PACRG: variants seen among roughly 807,000 people sequenced by gnomAD.
PACRG encodes parkin coregulated, also known as parkin coregulated gene protein.
Under a neutral mutation model 29.7 loss-of-function variants are expected in PACRG, and 29 were observed. The ratio of observed to expected loss-of-function variants is 0.98; its 90% CI spans 0.73 to 1.33. The LOEUF is 1.33. Among genes scored for constraint, PACRG ranks in the 40% most tolerant of loss-of-function variants. PACRG has a pLI of 0.00. For missense variants in PACRG, 279 were observed against 316.2 expected (o/e 0.88, Z 0.89); for synonymous variants, 116 against 118.7 (o/e 0.98, Z 0.15).
chr6:162,803,800 A>AT (rs375264627), intron 1 of PACRG, among the ~76,000 whole-genome samples: 1 of 152,144 alleles, frequency 6.6e-6, no homozygotes, highest in Non-Finnish European at 1.5e-5. Context: ...AGACTCATCT[A>AT]TTTTTTAATT....
rs566702022 is a variant in PACRG, at chr6:162,844,468, C to T, written c.291+30187C>T. 2.8e-4 allele frequency among the ~76,000 whole-genome samples: 43 copies of T among 152,280 alleles called. 1 individual carries two copies. Among genetic ancestry groups the T allele is most frequent in the Non-Finnish European group, 4.7e-4 (32 of 67,986 alleles). Reference sequence around the variant, plus strand: ...CCTGCTTCGGCTCGCGCATGGTGCGCGCACCCACTGACCTGTGCCCACTTT... The same window carrying T: ...CCTGCTTCGGCTCGCGCATGGTGCGTGCACCCACTGACCTGTGCCCACTTT... On this transcript the variant is annotated intron_variant, in intron 2 of 4. Transcript: ENST00000366888.
At chr6:162,823,673 G>A (rs897839865) in intron 2 of PACRG, among the ~76,000 whole-genome samples, 20 of 151,646 alleles carry the variant, frequency 1.3e-4, no homozygotes, top group South Asian at 2.1e-4. Context: ...CACCACACCC[G>A]GCTAATTTTT....
At chr6:162,855,731 G>A (rs942249374) in intron 2 of PACRG, among the ~76,000 whole-genome samples, 5 of 152,234 alleles carry the variant, frequency 3.3e-5, no homozygotes, top group South Asian at 2.1e-4. Context: ...GCTTCCCAGC[G>A]CCCCAACTCC....
intron 2 of PACRG, among the ~76,000 whole-genome samples, chr6:162,856,000 A>G (rs1390189530): frequency 6.6e-6 from 1 of 151,944 alleles, no homozygotes; most frequent in Non-Finnish European, 1.5e-5. Flanking sequence ...CTTGACCGGG[A>G]GGGCCACTTA....
intron 1 of PACRG, among the ~76,000 whole-genome samples, chr6:162,750,850 G>C (rs1781458803): frequency 6.6e-6 from 1 of 152,180 alleles, no homozygotes; most frequent in Non-Finnish European, 1.5e-5. Context: ...ACATATAATT[G>C]TCCTGTCCTA....
intron 1 of PACRG, among the ~76,000 whole-genome samples, chr6:162,733,681 T>C (rs1379944819): frequency 6.6e-6 from 1 of 152,180 alleles, no homozygotes; most frequent in African/African-American, 2.4e-5. Flanking sequence ...GCAACTCTGC[T>C]GGCCCTGCCT....
At chr6:162,920,290 A>AT (rs1183655484) in intron 2 of PACRG, among the ~76,000 whole-genome samples, 3 of 152,174 alleles carry the variant, frequency 2.0e-5, no homozygotes, top group Non-Finnish European at 4.4e-5. Context: ...CGAAGCCTGA[A>AT]TGCTTTTGTC....
chr6:163,092,800 A>G (rs528064), intron 4 of PACRG, among the ~76,000 whole-genome samples: 42,638 of 152,116 alleles, frequency 0.28, 6,317 homozygotes, highest in East Asian at 0.51. Flanking sequence ...TTATATACAT[A>G]TCCAATATTA....
chr6:163,079,336 C>G, intron 3 of PACRG, among the ~76,000 whole-genome samples: 1 of 151,540 alleles, frequency 6.6e-6, no homozygotes, highest in Admixed American at 6.6e-5. Flanking sequence ...CATGAGGTAT[C>G]CCACTCAGGG....
intron 1 of PACRG, among the ~76,000 whole-genome samples, chr6:162,734,765 T>G (rs1250273899): frequency 6.6e-6 from 1 of 152,184 alleles, no homozygotes; most frequent in Non-Finnish European, 1.5e-5. Context: ...AGGTTTTTCT[T>G]ACAACAGTTC....
At chr6:163,166,202 A>G (rs1778800249) in intron 4 of PACRG, 1 of 456,184 alleles carries the variant, frequency 2.2e-6, no homozygotes, top group South Asian at 1.5e-5. Context: ...GCCGAGGGCA[A>G]CACTGAATCT....
intron 4 of PACRG, among the ~76,000 whole-genome samples, chr6:163,178,526 C>T (rs1485421280): frequency 1.3e-5 from 2 of 152,158 alleles, no homozygotes; most frequent in African/African-American, 2.4e-5. Flanking sequence ...GGAGAAGCCC[C>T]GTTCTTCTCT....
chr6:163,312,268 T>G (rs1278777701), intron 4 of PACRG, among the ~76,000 whole-genome samples: 7 of 152,156 alleles, frequency 4.6e-5, no homozygotes, highest in Non-Finnish European at 8.8e-5. Context: ...GTCCCTGCTT[T>G]GGTTGGAATC....
intron 1 of PACRG, among the ~76,000 whole-genome samples, chr6:162,750,097 T>A (rs1178969911): frequency 6.6e-6 from 1 of 152,238 alleles, no homozygotes; most frequent in Non-Finnish European, 1.5e-5. Flanking sequence ...ACATTTTGCT[T>A]CATTTGTTGA....
intron 2 of PACRG, among the ~76,000 whole-genome samples, chr6:162,818,526 G>A (rs1356415567): frequency 1.3e-5 from 2 of 152,178 alleles, no homozygotes; most frequent in African/African-American, 4.8e-5. Context: ...AAGCATACAA[G>A]TGGTTTTGAA....
chr6:163,214,891 C>CT (rs1394093493), intron 4 of PACRG, among the ~76,000 whole-genome samples: 1 of 152,142 alleles, frequency 6.6e-6, no homozygotes, highest in Non-Finnish European at 1.5e-5. Flanking sequence ...TATCATTAAG[C>CT]TTCATGCTGG....
chr6:162,727,410 C>G (rs969450371), upstream of PACRG: 8 of 473,500 alleles, frequency 1.7e-5, no homozygotes, highest in Admixed American at 2.1e-4. Flanking sequence ...CTGGCGTCCC[C>G]GTCGAGGCGG....
At chr6:162,748,470 G>A (rs9347685) in intron 1 of PACRG, among the ~76,000 whole-genome samples, 112,816 of 152,050 alleles carry the variant, frequency 0.74, 42,471 homozygotes, top group East Asian at 0.97. Context: ...TCCAGCCTGC[G>A]CGACAGAGTG....
chr6:163,042,438 C>G (rs1205680585), intron 2 of PACRG: 2 of 152,260 alleles, frequency 1.3e-5, no homozygotes, highest in African/African-American at 4.8e-5. Context: ...GAATGACCCT[C>G]TTATTCTCTG....
Sources: gnomAD v4.1 joint callset for allele counts (sites outside exome capture counted in the v4.1 genomes callset) on GRCh38, gnomAD v4.1.1 for gene constraint, MANE v1.5 for transcripts, NCBI Gene and HGNC (gene_info 2026-07-23, HGNC 2026-07-21) for gene names.